TMEM132B: variants seen among roughly 807,000 people sequenced by gnomAD.
TMEM132B encodes transmembrane protein 132B.
In TMEM132B, 18 loss-of-function variants were observed where a neutral mutation model predicts 90.8. The observed-to-expected ratio is 0.20, with a 90% CI of 0.14 to 0.29. TMEM132B has a LOEUF of 0.29. Ranked by LOEUF, TMEM132B falls within the 10% of genes least tolerant of loss-of-function variation. The probability of loss-of-function intolerance (pLI) is 1.00; values close to 1 mark genes in which losing one functional copy is unlikely to be tolerated. For synonymous variants in TMEM132B, 504 were observed against 523.3 expected (o/e 0.96, Z 0.50); for missense variants, 1,096 against 1,326.8 (o/e 0.83, Z 2.70).
chr12:125,612,393 G>T (rs770332746), intron 5 of TMEM132B, among the ~76,000 whole-genome samples: 12 of 151,628 alleles, frequency 7.9e-5, no homozygotes, highest in Non-Finnish European at 1.6e-4. Flanking sequence ...AACCCGGGAG[G>T]TGGAGGTTGC....
intron 3 of TMEM132B, among the ~76,000 whole-genome samples, chr12:125,451,344 A>G (rs1204341100): frequency 6.6e-6 from 1 of 152,206 alleles, no homozygotes; most frequent in African/African-American, 2.4e-5. Flanking sequence ...GATGGTTCAG[A>G]AAAAGTACAA....
chr12:125,541,733 G>C (rs1393667605), intron 4 of TMEM132B, among the ~76,000 whole-genome samples: 1 of 151,820 alleles, frequency 6.6e-6, no homozygotes, highest in African/African-American at 2.4e-5. Flanking sequence ...GAGACCTGGT[G>C]TTTTAAAGAA....
intron 1 of TMEM132B, among the ~76,000 whole-genome samples, chr12:125,223,036 A>G (rs1029061280): frequency 4.6e-5 from 7 of 152,396 alleles, no homozygotes; most frequent in African/African-American, 1.2e-4. Flanking sequence ...CAAGAAATGT[A>G]GGATTTCAGG....
chr12:125,624,592 T>A (rs2136977829), intron 5 of TMEM132B, among the ~76,000 whole-genome samples: 1 of 152,322 alleles, frequency 6.6e-6, no homozygotes, highest in East Asian at 1.9e-4. Context: ...CTCACTGTGA[T>A]AATTATTTGA....
At chr12:125,531,457 G>A (rs1487996089) in intron 4 of TMEM132B, among the ~76,000 whole-genome samples, 1 of 152,164 alleles carries the variant, frequency 6.6e-6, no homozygotes, top group Admixed American at 6.5e-5. Flanking sequence ...CCAAAGTGCT[G>A]GGATTACAGG....
chr12:125,515,214 AC>A (rs1269319926), intron 3 of TMEM132B, among the ~76,000 whole-genome samples: 1 of 147,510 alleles, frequency 6.8e-6, no homozygotes, highest in Non-Finnish European at 1.5e-5. Flanking sequence ...TCAAACACAC[AC>A]GTTCACACAT....
chr12:125,527,438 A>G lies in TMEM132B; in HGVS notation c.1293+7813A>G, dbSNP rs182328527. 4.5e-3 allele frequency among the ~76,000 whole-genome samples: 498 copies of G among 109,736 alleles called. 3 individuals carry two copies. The highest frequency in any genetic ancestry group is 7.8e-3 in the Middle Eastern group (1 of 128). 72.0% of individuals were successfully genotyped at this position (109,736 alleles called of 152,430 possible). A position where few individuals can be genotyped will look rare whatever the true frequency, so the allele number is the denominator to read the frequency against. On this transcript the variant is annotated intron_variant, in intron 4 of 8. Transcript: ENST00000682704. ...CACCCATTCACCCTTCCATCCACCT[A>G]TTTACCCTTCCATCCACCCATCCAC...
chr12:125,305,338 C>T (rs1248456139), intron 1 of TMEM132B, among the ~76,000 whole-genome samples: 1 of 151,002 alleles, frequency 6.6e-6, no homozygotes, highest in African/African-American at 2.4e-5. Flanking sequence ...GAGGAGGCAT[C>T]AGCCGGAGCT....
At chr12:125,551,755 T>C (rs1355989351) in intron 4 of TMEM132B, among the ~76,000 whole-genome samples, 4 of 152,178 alleles carry the variant, frequency 2.6e-5, no homozygotes, top group African/African-American at 9.7e-5. Context: ...GCTGGTCAGC[T>C]GGGGGCAGTT....
chr12:125,396,977 C>CTT (rs538463146), intron 2 of TMEM132B, among the ~76,000 whole-genome samples: 9,335 of 144,374 alleles, frequency 0.065, 905 homozygotes, highest in African/African-American at 0.21. Context: ...CTTCACTATT[C>CTT]TTTTTTTTTT....
intron 1 of TMEM132B, among the ~76,000 whole-genome samples, chr12:125,288,544 C>CA (rs1307896972): frequency 4.6e-5 from 7 of 151,622 alleles, no homozygotes; most frequent in Admixed American, 3.3e-4. Context: ...TAACTCATCT[C>CA]ATATTGCTGG....
rs143343159 is a variant in TMEM132B, at chr12:125,453,183, T to C, written c.1106+37506T>C. Among the ~76,000 whole-genome samples, 276 of 152,314 alleles carry C rather than the reference T, an allele frequency of 1.8e-3. 2 individuals carry two copies. The highest frequency in any genetic ancestry group is 6.0e-3 in the African/African-American group (250 of 41,580). On this transcript the variant is annotated intron_variant, in intron 3 of 8. Coordinates refer to ENST00000682704, the MANE Select transcript of TMEM132B (RefSeq NM_001366854.1). ...GGCTTTCATTCCTTGTATTTGACTT[T>C]CAAATTTTATAATATGAATTTTAAA...
At chr12:125,550,497 A>G (rs533779261) in intron 4 of TMEM132B, among the ~76,000 whole-genome samples, 11 of 152,190 alleles carry the variant, frequency 7.2e-5, no homozygotes, top group Non-Finnish European at 8.8e-5. Flanking sequence ...TGACTGATAC[A>G]TTACCATAGA....
intron 4 of TMEM132B, among the ~76,000 whole-genome samples, chr12:125,571,095 T>C (rs1213599868): frequency 1.3e-5 from 2 of 152,208 alleles, no homozygotes; most frequent in African/African-American, 2.4e-5. Context: ...AAGCTTTCTT[T>C]TGAGCTGGGA....
chr12:125,225,493 G>T (rs1873658475), intron 1 of TMEM132B, among the ~76,000 whole-genome samples: 1 of 152,182 alleles, frequency 6.6e-6, no homozygotes, highest in African/African-American at 2.4e-5. Flanking sequence ...TTCATTTCTG[G>T]CTGTGCTATG....
chr12:125,463,510 A>G (rs761955708), intron 3 of TMEM132B, among the ~76,000 whole-genome samples: 1 of 152,172 alleles, frequency 6.6e-6, no homozygotes, highest in East Asian at 1.9e-4. Context: ...TCTGTTTACG[A>G]TTGTGATTGC....
intron 3 of TMEM132B, among the ~76,000 whole-genome samples, chr12:125,448,278 T>G (rs1881058710): frequency 6.6e-6 from 1 of 152,086 alleles, no homozygotes; most frequent in South Asian, 2.1e-4. Context: ...TTTGATGAGT[T>G]TTGACAAATT....
At chr12:125,265,131 T>C (rs1874656436) in intron 1 of TMEM132B, among the ~76,000 whole-genome samples, 1 of 152,194 alleles carries the variant, frequency 6.6e-6, no homozygotes, top group African/African-American at 2.4e-5. Flanking sequence ...TAAACATGTA[T>C]AGTAAAAATA....
chr12:125,508,106 C>G (rs1882892052), intron 3 of TMEM132B, among the ~76,000 whole-genome samples: 1 of 152,196 alleles, frequency 6.6e-6, no homozygotes, highest in Non-Finnish European at 1.5e-5. Context: ...ACCAGAGTAA[C>G]TGGAAGGATG....
Sources: allele counts gnomAD v4.1 joint callset (sites outside exome capture counted in the v4.1 genomes callset), GRCh38; gene constraint gnomAD v4.1.1; transcripts MANE v1.5; gene names NCBI Gene and HGNC (gene_info 2026-07-23, HGNC 2026-07-21).